C7: variants seen among roughly 807,000 people sequenced by gnomAD.
C7 encodes the protein complement component C7.
C7 carries 83 observed loss-of-function variants against 104.8 expected under a neutral mutation model. That is an observed-to-expected ratio of 0.79 (90% CI 0.66 to 0.95). C7 has a LOEUF of 0.95. Ranked by LOEUF, C7 falls within the 40% of genes least tolerant of loss-of-function variation. C7 has a pLI of 0.00. For missense variants in C7, 1,070 were observed against 1,011.2 expected (o/e 1.06, Z -0.79); for synonymous variants, 415 against 360.6 (o/e 1.15, Z -1.71).
chr5:40,944,639 A>G (rs891962752), intron 6 of C7, among the ~76,000 whole-genome samples: 9 of 152,212 alleles, frequency 5.9e-5, no homozygotes, highest in African/African-American at 2.2e-4. Flanking sequence ...CATGTGACTA[A>G]CCTATTGTCT....
chr5:40,938,953 C>T (rs73090507), intron 6 of C7, among the ~76,000 whole-genome samples: 17,894 of 152,170 alleles, frequency 0.12, 2,296 homozygotes, highest in African/African-American at 0.32. Context: ...CTCAACACAA[C>T]GAAATTTCTG....
chr5:40,933,365 T>C (rs1052490487), intron 3 of C7, among the ~76,000 whole-genome samples: 6 of 152,208 alleles, frequency 3.9e-5, no homozygotes, highest in Admixed American at 2.6e-4. Flanking sequence ...TTCCGTTTTG[T>C]TTGTTAATGG....
In C7 at chr5:40,937,486, C is replaced by T. The variant is rs1739840411; in HGVS notation, c.429-66C>T. ...GTTCTGTAATAAACTTTTTTCCCCACCAAGTGCTATTTCTGGTTTTTAACG... is the reference window on the plus strand; with the variant it reads ...GTTCTGTAATAAACTTTTTTCCCCATCAAGTGCTATTTCTGGTTTTTAACG... On this transcript the variant is annotated intron_variant, in intron 5 of 17. Transcript: ENST00000313164. 6 of 1,515,716 alleles carry T rather than the reference C, an allele frequency of 4.0e-6. No individual in the cohort carries two copies. In the African/African-American group the frequency reaches 4.2e-5, roughly 11 times the overall value. 93.9% of individuals were successfully genotyped at this position (1,515,716 alleles called of 1,614,324 possible).
rs745729152 is a variant in C7, at chr5:40,976,774, C to T, written c.2099C>T (p.Pro700Leu). 4 of 1,603,528 alleles carry T rather than the reference C, an allele frequency of 2.5e-6. No individual in the cohort carries two copies. The Admixed American group carries it at 6.8e-5, about 27-fold the overall frequency. ...QKENPLTQAVPKCQRWEKLQN... is the reference protein window; with the variant it reads ...QKENPLTQAVLKCQRWEKLQN... ...GAAAATCCGTTAACACAGGCAGTGC[C>T]TAAATGTCAGCGCTGGGAGAAACTG... The change falls in exon 16 of 18, where the codon CCT (proline) becomes CTT (leucine). Residue 700 changes from proline (P) to leucine (L), a missense_variant. By Grantham distance (98) the Pro-to-Leu change is moderately conservative (BLOSUM62 -3). Transcript: ENST00000313164.
chr5:40,972,197 T>G, intron 14 of C7: 2 of 591,328 alleles, frequency 3.4e-6, no homozygotes, highest in African/African-American at 1.9e-5. Flanking sequence ...GGGGAGCTGT[T>G]TTGGTTTTTA....
Position 40,959,430 on chromosome 5 carries a change from C to T in C7, c.1490-19C>T. 2.5e-6 allele frequency: 4 copies of T among 1,603,246 alleles called. No individual in the cohort carries two copies. The highest frequency in any genetic ancestry group is 8.5e-7 in the Non-Finnish European group (1 of 1,175,396). Reference sequence around the variant, plus strand: ...CCCTCTTTAAGAACTTATTGATCAACCTCTTTCTCATCTTGTAGGAGGGGT... The same window carrying T: ...CCCTCTTTAAGAACTTATTGATCAATCTCTTTCTCATCTTGTAGGAGGGGT... On this transcript the variant is annotated intron_variant, in intron 11 of 17. Transcript: ENST00000313164.
intron 1 of C7, among the ~76,000 whole-genome samples, chr5:40,919,315 G>A (rs2111619013): frequency 6.6e-6 from 1 of 152,030 alleles, no homozygotes; most frequent in East Asian, 1.9e-4. Context: ...AGTAGAGACG[G>A]GGTTTCACCA....
intron 12 of C7, 97 bp from the exon 13 acceptor site, chr5:40,961,988 G>C: frequency 1.9e-6 from 1 of 514,896 alleles, no homozygotes; most frequent in South Asian, 6.3e-5. Context: ...TAAATGAATG[G>C]AGTTCCTTCA....
intron 1 of C7, among the ~76,000 whole-genome samples, chr5:40,923,572 C>T (rs545311785): frequency 1.1e-4 from 17 of 152,124 alleles, no homozygotes; most frequent in East Asian, 3.9e-4. Flanking sequence ...ATGGTGAAAC[C>T]CTGTCTCTAC....
chr5:40,973,016 G>A (rs1426338397), intron 15 of C7, among the ~76,000 whole-genome samples: 1 of 152,072 alleles, frequency 6.6e-6, no homozygotes, highest in African/African-American at 2.4e-5. Context: ...CTTTCAAAGA[G>A]TTTATCAGTA....
At chr5:40,916,715 T>TAA in intron 1 of C7, among the ~76,000 whole-genome samples, 2 of 151,622 alleles carry the variant, frequency 1.3e-5, no homozygotes, top group African/African-American at 2.4e-5. Context: ...ATTTTTTTTT[T>TAA]AAAAAAGCAT....
In C7 at chr5:40,947,455, G is replaced by C. The variant is rs1740073813; in HGVS notation, c.739-147G>C. Reference sequence around the variant, plus strand: ...TTGCGTCCAGTAAGTGGGCCCATAAGAGTGCTCATCATGCGTCAAAAATAA... The same window carrying C: ...TTGCGTCCAGTAAGTGGGCCCATAACAGTGCTCATCATGCGTCAAAAATAA... On this transcript the variant is annotated intron_variant, in intron 7 of 17. Transcript: ENST00000313164. 3 of 808,992 alleles carry C rather than the reference G, an allele frequency of 3.7e-6. No individual in the cohort carries two copies. The Admixed American group carries it at 7.8e-5, about 21-fold the overall frequency. The allele number at this position is 808,992 out of a possible 1,614,324, so 50.1% of individuals were successfully genotyped here.
Position 40,947,785 on chromosome 5 carries a change from T to C in C7, c.922T>C (p.Ser308Pro), listed in dbSNP as rs1740082212. 6.2e-7 allele frequency: 1 copy of C among 1,613,316 alleles called. No homozygotes were observed. Residue 308 changes from serine to proline, a missense_variant, in exon 8 of 18, where the codon TCG (serine) becomes CCG (proline). By Grantham distance (74) the Ser-to-Pro change is moderately conservative. Coordinates refer to ENST00000313164, the MANE Select transcript of C7 (RefSeq NM_000587.4). ...CGGGACACATTATCTGCAATCTGGG[T>C]CGTTAGGAGGAGAATACAGAGTTCT... ...QYGTHYLQSGSLGGEYRVLFY... is the reference protein window; with the variant it reads ...QYGTHYLQSGPLGGEYRVLFY...
intron 14 of C7, among the ~76,000 whole-genome samples, chr5:40,965,570 C>T (rs1324312038): frequency 2.0e-5 from 3 of 151,492 alleles, no homozygotes. Context: ...ATAAATCAAG[C>T]TTGCTTTTGT....
chr5:40,981,644 A>C lies in C7; in HGVS notation c.*71A>C. 1.5e-6 allele frequency: 2 copies of C among 1,319,172 alleles called. No homozygotes were observed. The highest frequency in any genetic ancestry group is 2.1e-6 in the Non-Finnish European group (2 of 963,156). 81.7% of individuals were successfully genotyped at this position (1,319,172 alleles called of 1,614,324 possible). On this transcript the variant is annotated 3_prime_UTR_variant, in exon 18 of 18. Coordinates refer to ENST00000313164, the MANE Select transcript of C7 (RefSeq NM_000587.4). Reference sequence around the variant, plus strand: ...TGGGGCTGAGTGAAAACATCTGCACAACTGGGCACTGGACAGCTTTTCCTT... The same window carrying C: ...TGGGGCTGAGTGAAAACATCTGCACCACTGGGCACTGGACAGCTTTTCCTT...
chr5:40,957,779 T>G (rs1740326357), intron 10 of C7, among the ~76,000 whole-genome samples: 1 of 151,674 alleles, frequency 6.6e-6, no homozygotes, highest in Non-Finnish European at 1.5e-5. Context: ...TTTTTTTTTT[T>G]TTTAAATCTT....
chr5:40,979,247 G>C (rs528684425), intron 16 of C7, among the ~76,000 whole-genome samples: 1 of 152,060 alleles, frequency 6.6e-6, no homozygotes, highest in South Asian at 2.1e-4. Flanking sequence ...TCATCTTCCC[G>C]TGATGATTTA....
Position 40,962,151 on chromosome 5 carries a change from C to T in C7, c.1728C>T (p.Ala576=), listed in dbSNP as rs764603866. 3 of 1,563,430 alleles carry T rather than the reference C, an allele frequency of 1.9e-6. No homozygotes were observed. The highest frequency in any genetic ancestry group is 1.3e-5 in the African/African-American group (1 of 74,374). Residue 576 remains alanine, a synonymous_variant, in exon 13 of 18, where the codon GCC becomes GCT. Coordinates refer to ENST00000313164, the MANE Select transcript of C7 (RefSeq NM_000587.4). ...VPTEFCPSPP[A]LKDGFVQDEG... Reference sequence around the variant, plus strand: ...CAGAATTCTGTCCATCACCTCCTGCCTTGAAAGATGGATTTGTTCAAGTTG... The same window carrying T: ...CAGAATTCTGTCCATCACCTCCTGCTTTGAAAGATGGATTTGTTCAAGTTG...
intron 14 of C7, among the ~76,000 whole-genome samples, chr5:40,971,687 A>G (rs1039631540): frequency 1.3e-5 from 2 of 152,050 alleles, no homozygotes; most frequent in Non-Finnish European, 2.9e-5. Flanking sequence ...ATGGTATTGC[A>G]TAGGTTTTCT....
Sources: allele counts gnomAD v4.1 joint callset (sites outside exome capture counted in the v4.1 genomes callset), GRCh38; gene constraint gnomAD v4.1.1; transcripts MANE v1.5; gene names NCBI Gene and HGNC (gene_info 2026-07-23, HGNC 2026-07-21).